Variants in LPP observed in about 807,000 individuals in gnomAD.
LPP encodes LIM domain containing preferred translocation partner in lipoma.
A neutral mutation model predicts 60.4 loss-of-function variants in LPP; 38 were observed. That is an observed-to-expected ratio of 0.63 (90% CI 0.49 to 0.83). LPP has a LOEUF of 0.83. Among genes scored for constraint, LPP ranks in the 40% least tolerant of loss-of-function variants. The pLI, the probability that LPP is intolerant of heterozygous loss-of-function variation, is 0.00. For missense variants in LPP, 902 were observed against 783.6 expected (o/e 1.15, Z -1.80); for synonymous variants, 328 against 290.8 (o/e 1.13, Z -1.30).
intron 4 of LPP, among the ~76,000 whole-genome samples, chr3:188,418,270 G>A (rs773733273): frequency 5.3e-5 from 8 of 151,970 alleles, no homozygotes; most frequent in Non-Finnish European, 1.0e-4. Flanking sequence ...AACACTATTT[G>A]GTAATAATGA....
chr3:188,623,156 C>T (rs1318870162), intron 7 of LPP, among the ~76,000 whole-genome samples: 2 of 151,212 alleles, frequency 1.3e-5, no homozygotes, highest in East Asian at 1.9e-4. Flanking sequence ...AAGAGTGGCT[C>T]TTAAGTGTAA....
At chr3:188,374,947 T>G (rs1294818093) in intron 3 of LPP, among the ~76,000 whole-genome samples, 4 of 152,162 alleles carry the variant, frequency 2.6e-5, no homozygotes, top group African/African-American at 7.2e-5. Context: ...AGGCCTTTTC[T>G]GCATCTATTG....
At chr3:188,626,372 G>A (rs530711216) in intron 7 of LPP, among the ~76,000 whole-genome samples, 3 of 151,734 alleles carry the variant, frequency 2.0e-5, no homozygotes, top group African/African-American at 7.3e-5. Flanking sequence ...TGTAGGTTAC[G>A]TGTATAGCAT....
chr3:188,184,470 A>G (rs1252388164), intron 1 of LPP, among the ~76,000 whole-genome samples: 6 of 152,204 alleles, frequency 3.9e-5, no homozygotes, highest in Admixed American at 3.9e-4. Flanking sequence ...GATGCATTCA[A>G]TGAACCAGGA....
chr3:188,774,122 C>T (rs1208941504), intron 9 of LPP, among the ~76,000 whole-genome samples: 1 of 152,146 alleles, frequency 6.6e-6, no homozygotes, highest in Non-Finnish European at 1.5e-5. Context: ...TAGCTTCTAC[C>T]TTGCACTTAA....
At chr3:188,632,378 C>A (rs975496744) in intron 7 of LPP, among the ~76,000 whole-genome samples, 1 of 152,114 alleles carries the variant, frequency 6.6e-6, no homozygotes, top group East Asian at 1.9e-4. Flanking sequence ...CCTATAGGAC[C>A]GGTAGGATAG....
At chr3:188,192,437 T>G (rs1728440491) in intron 1 of LPP, among the ~76,000 whole-genome samples, 1 of 152,204 alleles carries the variant, frequency 6.6e-6, no homozygotes, top group Non-Finnish European at 1.5e-5. Context: ...AGCACATCCA[T>G]TTAATCTCTC....
Position 188,872,755 on chromosome 3 carries a change from C to T in LPP, c.1702C>T (p.Arg568Ter), listed in dbSNP as rs1306611751. The change falls in exon 11 of 12, where the codon CGA (arginine) becomes TGA (stop). Residue 568 changes from arginine to a stop codon, truncating the protein, a stop_gained. Transcript: ENST00000617246. LOFTEE classifies it high-confidence loss of function. ...LDRDFHVHCYRCEDCGGLLSE... is the reference protein window; with the variant it reads ...LDRDFHVHCY ...TCGAGATTTCCATGTTCACTGCTAC[C>T]GATGCGAGGTCTGGTTGACAGCCCT... 2 of 1,614,044 alleles carry T rather than the reference C, an allele frequency of 1.2e-6. No homozygotes were observed. Among genetic ancestry groups the T allele is most frequent in the South Asian group, 2.2e-5 (2 of 91,070 alleles).
At chr3:188,449,673 G>A (rs571031592) in intron 4 of LPP, among the ~76,000 whole-genome samples, 33 of 152,128 alleles carry the variant, frequency 2.2e-4, no homozygotes, top group South Asian at 1.7e-3. Context: ...CTCACTCTTC[G>A]CTACTTTGTC....
At chr3:188,665,255 G>T (rs547588738) in intron 7 of LPP, among the ~76,000 whole-genome samples, 1 of 152,078 alleles carries the variant, frequency 6.6e-6, no homozygotes, top group African/African-American at 2.4e-5. Context: ...TCAATACCCC[G>T]TAATACCCAA....
chr3:188,597,038 T>TTACA (rs1349147805), intron 6 of LPP, among the ~76,000 whole-genome samples: 2 of 152,182 alleles, frequency 1.3e-5, no homozygotes, highest in African/African-American at 4.8e-5. Context: ...TGTTACTTTT[T>TTACA]TGTAGGCTTA....
rs142848824 is a variant in LPP at position 188,199,995 on chromosome 3, C to T, written c.-189-25410C>T. ...GGGATTACAGCCTTGAGCCACCGCG[C>T]CTGGCCCTATTTGGCTTCTTATACT... is the stretch of plus-strand genomic sequence containing the variant. On this transcript the variant is annotated intron_variant, in intron 1 of 11. Coordinates refer to ENST00000617246, the MANE Select transcript of LPP (RefSeq NM_001375462.1). Among the ~76,000 whole-genome samples the T allele has an allele frequency of 3.2e-3, 492 of 152,228 alleles. 4 individuals carry two copies. Among genetic ancestry groups the T allele is most frequent in the African/African-American group, 0.011 (474 of 41,538 alleles).
At chr3:188,737,228 A>G (rs1722841871) in intron 8 of LPP, among the ~76,000 whole-genome samples, 1 of 152,240 alleles carries the variant, frequency 6.6e-6, no homozygotes, top group Non-Finnish European at 1.5e-5. Context: ...GAAAGTTTCT[A>G]AGAACAAGGG....
Position 188,876,682 on chromosome 3 carries a change from A to G in LPP, c.*2203A>G, listed in dbSNP as rs1244594657. 5.2e-6 allele frequency: 1 copy of G among 192,810 alleles called. No homozygotes were observed. The highest frequency in any genetic ancestry group is 1.1e-5 in the Non-Finnish European group (1 of 92,390). 11.9% of individuals were successfully genotyped at this position (192,810 alleles called of 1,614,324 possible). A position where few individuals can be genotyped will look rare whatever the true frequency, so the allele number is the denominator to read the frequency against. On this transcript the variant is annotated 3_prime_UTR_variant, in exon 12 of 12. Coordinates refer to ENST00000617246, the MANE Select transcript of LPP (RefSeq NM_001375462.1). ...AGAAATTCTCTTTAGGACAAAGCAG[A>G]GAGTCCAATTTATTGAGGGATAGAT... is the stretch of plus-strand genomic sequence containing the variant.
rs572774387 is a variant in LPP at position 188,688,601 on chromosome 3, G to A, written c.1114-19666G>A. 1.3e-3 allele frequency among the ~76,000 whole-genome samples: 199 copies of A among 152,300 alleles called. 1 individual carries two copies. The highest frequency in any genetic ancestry group is 4.3e-3 in the African/African-American group (177 of 41,560). ...CAAGGACTTTCTAAGTAGTACTCAGGAGTTTGACAAAGAGGAGCTAGAAGA... is the reference window on the plus strand; with the variant it reads ...CAAGGACTTTCTAAGTAGTACTCAGAAGTTTGACAAAGAGGAGCTAGAAGA... On this transcript the variant is annotated intron_variant, in intron 7 of 11. Coordinates refer to ENST00000617246, the MANE Select transcript of LPP (RefSeq NM_001375462.1).
intron 4 of LPP, among the ~76,000 whole-genome samples, chr3:188,438,612 G>A (rs188616189): frequency 1.3e-5 from 2 of 152,222 alleles, no homozygotes; most frequent in Non-Finnish European, 2.9e-5. Flanking sequence ...TATGGAGGCA[G>A]GCATGGCATA....
chr3:188,300,838 A>G (rs1230295741), intron 2 of LPP, among the ~76,000 whole-genome samples: 1 of 152,190 alleles, frequency 6.6e-6, no homozygotes, highest in African/African-American at 2.4e-5. Flanking sequence ...AATACTGTAA[A>G]CACATTTCTG....
At chr3:188,849,299 G>A (rs1055089973) in intron 9 of LPP, among the ~76,000 whole-genome samples, 5 of 151,860 alleles carry the variant, frequency 3.3e-5, no homozygotes, top group Non-Finnish European at 7.3e-5. Flanking sequence ...TTTATTCTGG[G>A]CAGCCATGTA....
rs11328247 is a variant in LPP, at chr3:188,881,139, C to CAA, written c.*6678_*6679dup. 42 of 72,600 alleles carry CAA rather than the reference C, an allele frequency of 5.8e-4. 3 individuals are homozygous for CAA. The highest frequency in any genetic ancestry group is 8.9e-4 in the East Asian group (3 of 3,370). The allele number at this position is 72,600 out of a possible 1,614,324, so 4.5% of individuals were successfully genotyped here. A position where few individuals can be genotyped will look rare whatever the true frequency, so the allele number is the denominator to read the frequency against. On this transcript the variant is annotated 3_prime_UTR_variant, in exon 12 of 12. Coordinates refer to ENST00000617246, the MANE Select transcript of LPP (RefSeq NM_001375462.1). ...TGGGCGAAAGAGCGAGACTCCGTCT[C>CAA]AAAAAAAAAAAAAAAAAAATAGGAT...
Sources: gnomAD v4.1 joint callset for allele counts (sites outside exome capture counted in the v4.1 genomes callset) on GRCh38, gnomAD v4.1.1 for gene constraint, MANE v1.5 for transcripts, NCBI Gene and HGNC (gene_info 2026-07-23, HGNC 2026-07-21) for gene names.